ESR2: variants seen among roughly 807,000 people sequenced by gnomAD.
ESR2 encodes the protein estrogen receptor 2.
ESR2 carries 36 observed loss-of-function variants against 49.6 expected under a neutral mutation model. The observed-to-expected ratio is 0.73, with a 90% confidence interval of 0.56 to 0.96. The LOEUF is 0.96. Ranked by LOEUF, ESR2 falls within the 40% of genes least tolerant of loss-of-function variation. The probability of loss-of-function intolerance (pLI) is 0.00; values close to 1 mark genes in which losing one functional copy is unlikely to be tolerated. For missense variants in ESR2, 714 were observed against 693.0 expected, an observed-to-expected ratio of 1.03 and a Z score of -0.34; for synonymous variants, 320 against 266.1, an observed-to-expected ratio of 1.20 and a Z score of -1.97.
At chr14:64,262,443 C>T (rs1335467212) in intron 4 of ESR2, among the ~76,000 whole-genome samples, 1 of 152,074 alleles carries the variant, frequency 6.6e-6, no homozygotes, top group Non-Finnish European at 1.5e-5. Flanking sequence ...GATATAGAAA[C>T]AAGGTGGAAC....
intron 5 of ESR2, among the ~76,000 whole-genome samples, chr14:64,259,841 A>T (rs2076175459): frequency 6.6e-6 from 1 of 152,200 alleles, no homozygotes; most frequent in African/African-American, 2.4e-5. Flanking sequence ...AGCATCTGAC[A>T]AACCTTTCAC....
At chr14:64,308,909 C>G (rs1204792732) in intron 1 of ESR2, among the ~76,000 whole-genome samples, 2 of 151,866 alleles carry the variant, frequency 1.3e-5, no homozygotes, top group Non-Finnish European at 2.9e-5. Flanking sequence ...TCCCAAAATG[C>G]TGGGACTACA....
intron 7 of ESR2, among the ~76,000 whole-genome samples, chr14:64,236,187 G>A (rs950940046): frequency 5.9e-5 from 9 of 152,118 alleles, no homozygotes; most frequent in Non-Finnish European, 1.5e-5. Flanking sequence ...GTAAGGCAAG[G>A]GACATTCTGA....
chr14:64,275,540 TA>T (rs1188278670), intron 3 of ESR2, among the ~76,000 whole-genome samples: 2 of 152,002 alleles, frequency 1.3e-5, no homozygotes, highest in Non-Finnish European at 2.9e-5. Flanking sequence ...CCATCTCTAC[TA>T]AAAATACAAA....
rs56347632 is a variant in ESR2, at chr14:64,241,145, C to CAAAAAAAAAAAAAAAA, written c.1226-6011_1226-5996dup. On this transcript the variant is annotated intron_variant, in intron 7 of 8. Transcript: ENST00000341099. The stretch of plus-strand genomic sequence containing the variant: ...TGGGCCACAGAGCGAGACTCCGTCT[C>CAAAAAAAAAAAAAAAA]AAAAAAAAAAAAAAAAAAAAAAAAA... Among the ~76,000 whole-genome samples the CAAAAAAAAAAAAAAAA allele has an allele frequency of 2.4e-4, 23 of 95,388 alleles. No individual in the cohort carries two copies. In the East Asian group the frequency reaches 3.9e-3, roughly 16 times the overall value. 62.6% of individuals were successfully genotyped at this position (95,388 alleles called of 152,430 possible).
At chr14:64,297,613 A>C (rs2076973534), upstream of ESR2, 1 of 152,256 alleles carries the variant, frequency 6.6e-6, no homozygotes, top group Admixed American at 6.5e-5. Flanking sequence ...ACACCCACCT[A>C]GCACAATCCA....
chr14:64,311,891 T>G (rs1199744220), intron 1 of ESR2, among the ~76,000 whole-genome samples: 1 of 152,034 alleles, frequency 6.6e-6, no homozygotes, highest in Non-Finnish European at 1.5e-5. Context: ...TTTTTAAAAA[T>G]GAAGGAATCT....
Position 64,260,486 on chromosome 14 carries a change from C to CT in ESR2, c.914dup (p.Leu306ValfsTer44), listed in dbSNP as rs1567753247. On this transcript the variant is annotated frameshift_variant, in exon 5 of 9. Transcript: ENST00000341099. LOFTEE classifies it high-confidence loss of function. ...TGGCCCAGCTGATCATGTGTACCAA[C>CT]TCCTTGTCGGCCAACTTGGTCAGGG... is the stretch of plus-strand genomic sequence containing the variant. 2 of 1,531,346 alleles carry CT rather than the reference C, an allele frequency of 1.3e-6. No homozygotes were observed. 94.9% of individuals were successfully genotyped at this position (1,531,346 alleles called of 1,614,324 possible).
chr14:64,303,837 G>A (rs1360903809), intron 1 of ESR2, among the ~76,000 whole-genome samples: 2 of 151,980 alleles, frequency 1.3e-5, no homozygotes, highest in Non-Finnish European at 2.9e-5. Context: ...GAGGTATAAA[G>A]ATAAAAAAAT....
At position 64,228,540 on chromosome 14, in the gene ESR2, C is replaced by G. The variant is rs115914997; in HGVS notation, c.*4597G>C. 0.015 allele frequency among the ~76,000 whole-genome samples: 2,240 copies of G among 152,232 alleles called. 66 individuals carry two copies. The highest frequency in any genetic ancestry group is 0.051 in the African/African-American group (2,132 of 41,518). ...AATTAGTGTAATGATACAAAGCATT[C>G]GTCTGAGAAAATGGCAAATTATAGC... On this transcript the variant is annotated 3_prime_UTR_variant, in exon 9 of 9. Transcript: ENST00000341099.
At position 64,249,509 on chromosome 14, in the gene ESR2, C is replaced by T. The variant is rs759226708; in HGVS notation, c.1225+37G>A. ...CGCTAGTTGTAGAAACAGCATCTCTCCCCGATAAAACATGGCCCAGCTGTG... is the reference window on the plus strand; with the variant it reads ...CGCTAGTTGTAGAAACAGCATCTCTTCCCGATAAAACATGGCCCAGCTGTG... On this transcript the variant is annotated intron_variant, in intron 7 of 8. Coordinates refer to ENST00000341099, the MANE Select transcript of ESR2 (RefSeq NM_001437.3). 8 of 1,604,012 alleles carry T rather than the reference C, an allele frequency of 5.0e-6. No individual in the cohort carries two copies. The East Asian group carries it at 1.8e-4, about 36-fold the overall frequency.
intron 3 of ESR2, among the ~76,000 whole-genome samples, chr14:64,270,458 T>A (rs900134495): frequency 6.6e-6 from 1 of 152,200 alleles, no homozygotes; most frequent in African/African-American, 2.4e-5. Context: ...ATAATCATTC[T>A]TTAAACTGGA....
intron 3 of ESR2, among the ~76,000 whole-genome samples, chr14:64,275,490 G>A (rs1347326776): frequency 2.0e-5 from 3 of 151,916 alleles, no homozygotes; most frequent in African/African-American, 7.3e-5. Context: ...ATCTCCTGAG[G>A]TCAGGAGTTC....
At chr14:64,327,594 A>G (rs929170062) in intron 1 of ESR2, among the ~76,000 whole-genome samples, 7 of 151,990 alleles carry the variant, frequency 4.6e-5, no homozygotes, top group African/African-American at 1.7e-4. Context: ...TACTCGGGAG[A>G]CTGAGGCAGG....
chr14:64,313,368 A>T (rs1276952584), intron 1 of ESR2, among the ~76,000 whole-genome samples: 1 of 151,922 alleles, frequency 6.6e-6, no homozygotes, highest in Non-Finnish European at 1.5e-5. Flanking sequence ...CCCCATCTCT[A>T]ATAAAAAATA....
intron 1 of ESR2, among the ~76,000 whole-genome samples, chr14:64,332,505 A>C (rs2077472168): frequency 6.6e-6 from 1 of 152,132 alleles, no homozygotes; most frequent in Non-Finnish European, 1.5e-5. Context: ...TCCTGCTATC[A>C]AAAAGGGTAC....
At chr14:64,304,803 G>A (rs887240342) in intron 1 of ESR2, among the ~76,000 whole-genome samples, 3 of 151,926 alleles carry the variant, frequency 2.0e-5, no homozygotes, top group East Asian at 3.9e-4. Flanking sequence ...TTGAGCCCAG[G>A]AGTTTGAGGC....
At chr14:64,305,325 A>G (rs939242514) in intron 1 of ESR2, among the ~76,000 whole-genome samples, 3 of 150,568 alleles carry the variant, frequency 2.0e-5, no homozygotes, top group Admixed American at 1.3e-4. Flanking sequence ...AATAGGCAAC[A>G]TTTTAAAATA....
intron 6 of ESR2, among the ~76,000 whole-genome samples, chr14:64,252,588 T>C (rs141176401): frequency 8.1e-4 from 124 of 152,234 alleles, no homozygotes; most frequent in Middle Eastern, 3.4e-3. Context: ...AAACTTACAA[T>C]CATGGCAGAG....
Sources: gnomAD v4.1 joint callset for allele counts (sites outside exome capture counted in the v4.1 genomes callset) on GRCh38, gnomAD v4.1.1 for gene constraint, MANE v1.5 for transcripts, NCBI Gene and HGNC (gene_info 2026-07-23, HGNC 2026-07-21) for gene names.